The following DNAH7 variants were observed in gnomAD, a reference collection of about 807,000 sequenced individuals.
DNAH7 encodes the protein dynein axonemal heavy chain 7, also known as axonemal beta dynein heavy chain 7.
Under a neutral mutation model 444.6 loss-of-function variants are expected in DNAH7, and 397 were observed. The observed-to-expected ratio is 0.89, with a 90% CI of 0.82 to 0.97. The LOEUF (loss-of-function observed/expected upper bound fraction) is 0.97, where lower values mean the gene tolerates loss of function less well. Ranked by LOEUF, DNAH7 falls within the 50% of genes least tolerant of loss-of-function variation. The probability of loss-of-function intolerance (pLI) is 0.00; values close to 1 mark genes in which losing one functional copy is unlikely to be tolerated. For missense variants in DNAH7, 4,902 were observed against 4,800.8 expected (o/e 1.02, Z -0.62); for synonymous variants, 1,636 against 1,624.4 (o/e 1.01, Z -0.17).
intron 12 of DNAH7, among the ~76,000 whole-genome samples, chr2:195,995,970 G>C (rs953488700): frequency 6.6e-6 from 1 of 152,176 alleles, no homozygotes; most frequent in African/African-American, 2.4e-5. Context: ...TAAATCTGGA[G>C]ATCACTTTGG....
At chr2:196,051,144 T>A in intron 3 of DNAH7, 43 bp downstream of exon 3, 1 of 1,559,612 alleles carries the variant, frequency 6.4e-7, no homozygotes, top group Non-Finnish European at 8.8e-7. Flanking sequence ...TAAACATTTT[T>A]TGAAGCACAA....
At chr2:195,938,881 A>G (rs551253157) in intron 19 of DNAH7, among the ~76,000 whole-genome samples, 1 of 152,258 alleles carries the variant, frequency 6.6e-6, no homozygotes, top group Non-Finnish European at 1.5e-5. Flanking sequence ...ATGACTGGCA[A>G]CTCAACTACC....
At chr2:196,056,856 G>A (rs887398221) in intron 2 of DNAH7, among the ~76,000 whole-genome samples, 2 of 152,218 alleles carry the variant, frequency 1.3e-5, no homozygotes, top group African/African-American at 4.8e-5. Context: ...ATGTAAGTCA[G>A]TGCTCTTTCA....
At chr2:195,782,291 C>T (rs1020473594) in intron 58 of DNAH7, among the ~76,000 whole-genome samples, 3 of 152,070 alleles carry the variant, frequency 2.0e-5, no homozygotes, top group African/African-American at 7.2e-5. Flanking sequence ...ATCCACATTC[C>T]GCAAAGAATC....
chr2:195,860,732 T>C (rs1400590925), intron 42 of DNAH7, among the ~76,000 whole-genome samples: 3 of 152,122 alleles, frequency 2.0e-5, no homozygotes, highest in Non-Finnish European at 4.4e-5. Flanking sequence ...ATCAAACTCA[T>C]AGTATTAATA....
intron 61 of DNAH7, among the ~76,000 whole-genome samples, chr2:195,763,226 G>T (rs1694429019): frequency 6.6e-6 from 1 of 152,106 alleles, no homozygotes; most frequent in African/African-American, 2.4e-5. Context: ...TAAGGTGGAT[G>T]TTTATAGTTT....
intron 17 of DNAH7, among the ~76,000 whole-genome samples, chr2:195,963,307 C>G (rs1384723751): frequency 6.6e-6 from 1 of 152,226 alleles, no homozygotes; most frequent in Admixed American, 6.5e-5. Flanking sequence ...GCCATTTTAA[C>G]TGAAGTGACA....
At position 195,857,369 on chromosome 2, in the gene DNAH7, G is replaced by A. The variant is rs1699772137; in HGVS notation, c.8414+8C>T. 6.5e-6 allele frequency: 10 copies of A among 1,547,338 alleles called. No individual in the cohort carries two copies. Among genetic ancestry groups the A allele is most frequent in the Non-Finnish European group, 8.7e-6 (10 of 1,152,914 alleles). ...ATACCAGCTGGATTTCTTTTTATCA[G>A]CACTTACTTATCATATGAATCCATT... On this transcript the variant is annotated splice_region_variant and intron_variant, in intron 44 of 64. Transcript: ENST00000312428.
intron 48 of DNAH7, chr2:195,825,189 C>G (rs1476051847): frequency 1.3e-5 from 2 of 151,962 alleles, no homozygotes; most frequent in African/African-American, 4.8e-5. Flanking sequence ...GCCTGGGAGG[C>G]CAAGGCTGCA....
intron 10 of DNAH7, among the ~76,000 whole-genome samples, chr2:196,010,127 C>T (rs1431098760): frequency 6.6e-6 from 1 of 151,822 alleles, no homozygotes; most frequent in Admixed American, 6.6e-5. Context: ...CTCTCCCTCC[C>T]TGCTCTTCTT....
intron 24 of DNAH7, among the ~76,000 whole-genome samples, chr2:195,914,531 C>T (rs1687552389): frequency 6.6e-6 from 1 of 152,188 alleles, no homozygotes; most frequent in Non-Finnish European, 1.5e-5. Flanking sequence ...CTGCATTGTT[C>T]TTGGCCTTAA....
chr2:195,812,795 T>A (rs1456882633), intron 51 of DNAH7, among the ~76,000 whole-genome samples: 1 of 152,240 alleles, frequency 6.6e-6, no homozygotes, highest in Non-Finnish European at 1.5e-5. Context: ...TTGGTAGAAC[T>A]ATCGTCCAAT....
chr2:196,035,513 A>T (rs1477095081), intron 5 of DNAH7, among the ~76,000 whole-genome samples: 1 of 152,156 alleles, frequency 6.6e-6, no homozygotes, highest in East Asian at 1.9e-4. Flanking sequence ...GCTCTCAAGG[A>T]TGATTGTATG....
chr2:195,828,593 C>CATAT lies in DNAH7; in HGVS notation c.9101-4152_9101-4149dup, dbSNP rs1217210000. 2.1e-4 allele frequency among the ~76,000 whole-genome samples: 29 copies of CATAT among 136,708 alleles called. 1 individual carries two copies. The highest frequency in any genetic ancestry group is 6.6e-4 in the African/African-American group (24 of 36,112). The allele number at this position is 136,708 out of a possible 152,430, so 89.7% of individuals were successfully genotyped here. A position where few individuals can be genotyped will look rare whatever the true frequency, so the allele number is the denominator to read the frequency against. On this transcript the variant is annotated intron_variant, in intron 48 of 64. Transcript: ENST00000312428. ...GAGCAAGACTCCATCTCAAAAATAACATATATATATATATATATTTTTTTT... is the reference window on the plus strand; with the variant it reads ...GAGCAAGACTCCATCTCAAAAATAACATATATATATATATATATATATTTTTTTT...
At chr2:196,045,879 T>C (rs754971508) in intron 5 of DNAH7, among the ~76,000 whole-genome samples, 1 of 151,804 alleles carries the variant, frequency 6.6e-6, no homozygotes, top group Non-Finnish European at 1.5e-5. Flanking sequence ...AAACATAAAA[T>C]ACATTGGTAG....
At position 196,000,792 on chromosome 2, in the gene DNAH7, T is replaced by C. The variant is rs928057767; in HGVS notation, c.1265A>G (p.Tyr422Cys). 12 of 1,608,752 alleles carry C rather than the reference T, an allele frequency of 7.5e-6. No homozygotes were observed. In the African/African-American group the frequency reaches 1.3e-4, roughly 18 times the overall value. Reference protein sequence around the residue: ...TIKFEPELSDYIDIFLNVYDV... With the variant: ...TIKFEPELSDCIDIFLNVYDV... The stretch of plus-strand genomic sequence containing the variant: ...ATAAACATTTAGAAAGATATCTATA[T>C]AGTCACTCAACTCAGGTTCAAACTT... The change falls in exon 12 of 65, where the codon TAT becomes TGT. Residue 422 changes from tyrosine to cysteine, a missense_variant. Physicochemically the swap from Tyr to Cys is radical, Grantham distance 194. Transcript: ENST00000312428.
At chr2:195,945,013 C>T (rs1000360654) in intron 19 of DNAH7, among the ~76,000 whole-genome samples, 1 of 151,720 alleles carries the variant, frequency 6.6e-6, no homozygotes, top group African/African-American at 2.4e-5. Context: ...GATTTTTACA[C>T]TGCATACCAG....
intron 20 of DNAH7, 69 bp from the exon 21 acceptor site, chr2:195,934,858 G>C (rs181614826): frequency 6.5e-7 from 1 of 1,527,414 alleles, no homozygotes; most frequent in African/African-American, 1.4e-5. Context: ...AGAGTTCTTC[G>C]TTTAAAGTTC....
At chr2:195,779,874 G>C (rs1695288818) in intron 58 of DNAH7, among the ~76,000 whole-genome samples, 2 of 151,958 alleles carry the variant, frequency 1.3e-5, no homozygotes, top group Admixed American at 6.6e-5. Context: ...CAAAGTGCTG[G>C]GATTACAGGC....
Sources: gnomAD v4.1 joint callset for allele counts (sites outside exome capture counted in the v4.1 genomes callset) on GRCh38, gnomAD v4.1.1 for gene constraint, MANE v1.5 for transcripts, NCBI Gene and HGNC (gene_info 2026-07-23, HGNC 2026-07-21) for gene names.